Variants in MTDH observed in about 807,000 individuals in gnomAD.
MTDH encodes the protein metadherin, also known as protein LYRIC.
In MTDH, 34 loss-of-function variants were observed where a neutral mutation model predicts 72.7. The observed-to-expected ratio is 0.47, with a 90% CI of 0.36 to 0.62. The LOEUF is 0.62. Ranked by LOEUF, MTDH falls within the 20% of genes least tolerant of loss-of-function variation. The pLI is 0.00. For missense variants in MTDH, 677 were observed against 699.4 expected, an observed-to-expected ratio of 0.97 and a Z score of 0.36; for synonymous variants, 266 against 268.9, an observed-to-expected ratio of 0.99 and a Z score of 0.10.
intron 1 of MTDH, among the ~76,000 whole-genome samples, chr8:97,651,008 C>T (rs1350284921): frequency 2.6e-5 from 4 of 152,204 alleles, no homozygotes; most frequent in Non-Finnish European, 5.9e-5. Context: ...GCACAAAACG[C>T]ATTACTAGTG....
intron 2 of MTDH, among the ~76,000 whole-genome samples, chr8:97,684,880 A>T (rs912615978): frequency 6.6e-6 from 1 of 152,196 alleles, no homozygotes; most frequent in African/African-American, 2.4e-5. Flanking sequence ...AGCCTGGCTG[A>T]CATGGTGAAA....
chr8:97,719,538 G>A (rs1312162803), intron 10 of MTDH, among the ~76,000 whole-genome samples: 2 of 148,176 alleles, frequency 1.3e-5, no homozygotes, highest in African/African-American at 5.0e-5. Context: ...GTTGACTCAA[G>A]TATTTTATCA....
intron 9 of MTDH, among the ~76,000 whole-genome samples, chr8:97,715,917 T>C (rs185735971): frequency 1.3e-5 from 2 of 152,246 alleles, no homozygotes; most frequent in African/African-American, 4.8e-5. Context: ...ATGTTCACTG[T>C]GTTTTTAAAA....
chr8:97,678,587 C>T (rs1435603641), intron 2 of MTDH, among the ~76,000 whole-genome samples: 2 of 132,926 alleles, frequency 1.5e-5, no homozygotes, highest in South Asian at 2.6e-4. Context: ...TGCTTCCTTC[C>T]TTCCTTCTTT....
chr8:97,694,891 C>G (rs1586256018), intron 6 of MTDH, among the ~76,000 whole-genome samples: 2 of 151,908 alleles, frequency 1.3e-5, no homozygotes, highest in African/African-American at 4.8e-5. Flanking sequence ...CCACTGCACT[C>G]CAGCCTTGGC....
chr8:97,696,246 A>G, intron 6 of MTDH: 2 of 985,404 alleles, frequency 2.0e-6, no homozygotes, highest in Non-Finnish European at 2.4e-6. Flanking sequence ...ACCTCTGAAC[A>G]GAATTCTGCT....
chr8:97,705,594 C>T (rs756497773), intron 7 of MTDH, among the ~76,000 whole-genome samples: 1 of 152,022 alleles, frequency 6.6e-6, no homozygotes, highest in East Asian at 1.9e-4. Flanking sequence ...AGCAAGACTC[C>T]GTCTTGGGGA....
intron 2 of MTDH, among the ~76,000 whole-genome samples, chr8:97,664,355 CAA>C (rs561426320): frequency 2.9e-5 from 4 of 137,188 alleles, no homozygotes; most frequent in Admixed American, 7.3e-5. Context: ...GATTCCATCT[CAA>C]AAAAAAAAAA....
In MTDH at chr8:97,670,937, T is replaced by TTTG. The variant is rs1235208650; in HGVS notation, c.483+9779_483+9781dup. 9.2e-3 allele frequency among the ~76,000 whole-genome samples: 1,336 copies of TTTG among 145,174 alleles called. 19 individuals are homozygous for TTTG. Among genetic ancestry groups the TTTG allele is most frequent in the African/African-American group, 0.021 (799 of 37,300 alleles). On this transcript the variant is annotated intron_variant, in intron 2 of 11. Transcript: ENST00000336273. Reference sequence around the variant, plus strand: ...ACGCCTGGCTAATTTTTTTGTTTTTTTTGTTGTTGTTGTTGTTTTTTTTTT... The same window carrying TTTG: ...ACGCCTGGCTAATTTTTTTGTTTTTTTTGTTGTTGTTGTTGTTGTTTTTTTTTT...
rs186512735 is a variant in MTDH, at chr8:97,705,252, G to A, written c.1148-1374G>A. On this transcript the variant is annotated intron_variant, in intron 7 of 11. Transcript: ENST00000336273. ...GCGGAGGTTGCAGTGAGCCGAGATC[G>A]TGCCACTGCACTCTAGCCTGGGTGA... Among the ~76,000 whole-genome samples the A allele has an allele frequency of 4.9e-3, 700 of 143,162 alleles. 8 individuals carry two copies. The highest frequency in any genetic ancestry group is 0.017 in the African/African-American group (652 of 38,550). 93.9% of individuals were successfully genotyped at this position (143,162 alleles called of 152,430 possible).
At chr8:97,698,856 T>C (rs1813984745) in intron 6 of MTDH, among the ~76,000 whole-genome samples, 1 of 152,192 alleles carries the variant, frequency 6.6e-6, no homozygotes. Flanking sequence ...TTCTTGAAAT[T>C]TGTAGGCAGG....
intron 7 of MTDH, among the ~76,000 whole-genome samples, chr8:97,700,097 A>G (rs151229153): frequency 8.6e-4 from 131 of 152,268 alleles, no homozygotes; most frequent in African/African-American, 2.9e-3. Context: ...TAGTATTTCT[A>G]GTTTTTAAAT....
At chr8:97,718,073 A>G (rs1222325750) in intron 9 of MTDH, among the ~76,000 whole-genome samples, 1 of 147,358 alleles carries the variant, frequency 6.8e-6, no homozygotes, top group African/African-American at 2.5e-5. Context: ...TTTAGTAGAG[A>G]TAGGGTTTCA....
At chr8:97,692,114 C>T (rs1813633467) in intron 6 of MTDH, among the ~76,000 whole-genome samples, 1 of 152,234 alleles carries the variant, frequency 6.6e-6, no homozygotes, top group South Asian at 2.1e-4. Flanking sequence ...CTCCTGACCT[C>T]AGATGATCTG....
At chr8:97,714,481 G>A (rs1814768974) in intron 9 of MTDH, among the ~76,000 whole-genome samples, 1 of 143,626 alleles carries the variant, frequency 7.0e-6, no homozygotes, top group Non-Finnish European at 1.6e-5. Context: ...GCATACGCTT[G>A]TAGCCCCAGC....
chr8:97,719,492 C>CAAAAAAAAAAAAA (rs11383714), intron 10 of MTDH, among the ~76,000 whole-genome samples: 1 of 79,914 alleles, frequency 1.3e-5, no homozygotes. Flanking sequence ...GACACTGTCT[C>CAAAAAAAAAAAAA]AAAAAAAAAA....
rs571116178 is a variant in MTDH, at chr8:97,682,995, C to G, written c.484-3673C>G. ...TTTGCAAGGGTAAAGTGGATCAGAA[C>G]TGGAATTTAGTCCTAGTTTCACCAC... is the stretch of plus-strand genomic sequence containing the variant. On this transcript the variant is annotated intron_variant, in intron 2 of 11. Coordinates refer to ENST00000336273, the MANE Select transcript of MTDH (RefSeq NM_178812.4). 4.5e-4 allele frequency among the ~76,000 whole-genome samples: 62 copies of G among 138,584 alleles called. 1 individual carries two copies. The highest frequency in any genetic ancestry group is 7.6e-4 in the Non-Finnish European group (50 of 65,870). 90.9% of individuals were successfully genotyped at this position (138,584 alleles called of 152,430 possible).
intron 2 of MTDH, among the ~76,000 whole-genome samples, chr8:97,665,098 T>G (rs1488843631): frequency 6.6e-6 from 1 of 152,196 alleles, no homozygotes; most frequent in Non-Finnish European, 1.5e-5. Context: ...TTTGATCTTA[T>G]GCACCTTTAT....
At chr8:97,712,811 A>ATCTGTGCATGTTCTTGGGTGAAATG (rs1814690201) in intron 8 of MTDH, among the ~76,000 whole-genome samples, 1 of 152,116 alleles carries the variant, frequency 6.6e-6, no homozygotes, top group Non-Finnish European at 1.5e-5. Flanking sequence ...TTTCTTTGGC[A>ATCTGTGCATGTTCTTGGGTGAAATG]TCTGTGCATG....
Sources: allele counts gnomAD v4.1 joint callset (sites outside exome capture counted in the v4.1 genomes callset), GRCh38; gene constraint gnomAD v4.1.1; transcripts MANE v1.5; gene names NCBI Gene and HGNC (gene_info 2026-07-23, HGNC 2026-07-21).